Variants in EMSY observed in about 807,000 individuals in gnomAD.
EMSY encodes EMSY transcriptional repressor, BRCA2 interacting.
EMSY carries 26 observed loss-of-function variants against 134.6 expected under a neutral mutation model. That is an observed-to-expected ratio of 0.19 (90% CI 0.14 to 0.27). The LOEUF (loss-of-function observed/expected upper bound fraction) is 0.27. Among genes scored for constraint, EMSY ranks in the 10% least tolerant of loss-of-function variants. The probability of loss-of-function intolerance (pLI) is 1.00; values close to 1 mark genes in which losing one functional copy is unlikely to be tolerated. For synonymous variants in EMSY, 579 were observed against 577.8 expected (o/e 1.00, Z -0.03); for missense variants, 1,305 against 1,611.4 (o/e 0.81, Z 3.26).
intron 2 of EMSY, among the ~76,000 whole-genome samples, chr11:76,447,807 C>G (rs569260402): frequency 6.0e-4 from 91 of 152,264 alleles, no homozygotes; most frequent in African/African-American, 2.0e-3. Flanking sequence ...TTGAGAAATG[C>G]TGCCTTAGAC....
chr11:76,541,448 A>C (rs1362578611), intron 17 of EMSY, among the ~76,000 whole-genome samples: 1 of 152,140 alleles, frequency 6.6e-6, no homozygotes, highest in Non-Finnish European at 1.5e-5. Context: ...TTTAAGGACA[A>C]TTTTTCAGTC....
At chr11:76,484,022 A>G (rs889486475) in intron 8 of EMSY, among the ~76,000 whole-genome samples, 1 of 152,238 alleles carries the variant, frequency 6.6e-6, no homozygotes, top group African/African-American at 2.4e-5. Flanking sequence ...CAGCAAATGC[A>G]AAAGAACAGA....
At chr11:76,491,972 T>C (rs943912876) in intron 8 of EMSY, among the ~76,000 whole-genome samples, 1 of 152,270 alleles carries the variant, frequency 6.6e-6, no homozygotes, top group African/African-American at 2.4e-5. Context: ...TTTATTAGTT[T>C]GTAATGATAG....
At chr11:76,496,390 A>G in exon 9 of EMSY, 1 of 1,614,118 alleles carries the variant, frequency 6.2e-7, no homozygotes, top group Non-Finnish European at 8.5e-7. Context: ...AGCCTTCTCC[A>G]GTATCTCATC....
intron 12 of EMSY, 129 bp downstream of exon 13, chr11:76,523,420 AT>A: frequency 9.7e-7 from 1 of 1,030,090 alleles, no homozygotes; most frequent in Non-Finnish European, 1.4e-6. Flanking sequence ...CTGCTGGGAT[AT>A]AACAACTGTT....
chr11:76,491,370 C>T (rs1054743748), intron 8 of EMSY, among the ~76,000 whole-genome samples: 10 of 151,840 alleles, frequency 6.6e-5, no homozygotes, highest in African/African-American at 2.4e-4. Flanking sequence ...TTTGTAGAGA[C>T]AGGGTCTTGC....
At position 76,447,016 on chromosome 11, in the gene EMSY, G is replaced by C. The variant is rs766361879; in HGVS notation, c.70+8G>C. 1.2e-6 allele frequency: 2 copies of C among 1,612,806 alleles called. No homozygotes were observed. The highest frequency in any genetic ancestry group is 1.1e-5 in the South Asian group (1 of 90,966). On this transcript the variant is annotated splice_region_variant and intron_variant, in intron 2 of 20. Transcript: ENST00000334736. ...GAATTCTTCGAAAATTGGGTATGAC[G>C]TTCATTGTTTGTTTTTTACCTCTCT...
exon 8 of EMSY, chr11:76,472,666 A>T: frequency 6.2e-7 from 1 of 1,614,186 alleles, no homozygotes; most frequent in Non-Finnish European, 8.5e-7. Context: ...AACGTCAGTC[A>T]TTGCTTCTAC....
At chr11:76,547,018 T>A (rs1486519194) in intron 20 of EMSY, 3 of 447,194 alleles carry the variant, frequency 6.7e-6, no homozygotes, top group Non-Finnish European at 1.3e-5. Flanking sequence ...TCTCTTGTCA[T>A]GCATAATAGG....
chr11:76,458,462 T>A, intron 5 of EMSY, 104 bp downstream of exon 6: 1 of 1,189,314 alleles, frequency 8.4e-7, no homozygotes, highest in East Asian at 2.7e-5. Flanking sequence ...ATTCTAGTGT[T>A]TAAAGGTTAT....
At chr11:76,511,346 A>G (rs998962645) in intron 9 of EMSY, among the ~76,000 whole-genome samples, 3 of 151,794 alleles carry the variant, frequency 2.0e-5, no homozygotes, top group African/African-American at 7.2e-5. Flanking sequence ...TTTTAAGATT[A>G]TCTTAATTTT....
exon 13 of EMSY, chr11:76,526,617 G>T: frequency 6.2e-7 from 1 of 1,612,868 alleles, no homozygotes; most frequent in Non-Finnish European, 8.5e-7. Context: ...TTGTTTATGG[G>T]CAGCAAGGGA....
chr11:76,477,757 C>T (rs1332207410), intron 8 of EMSY, among the ~76,000 whole-genome samples: 1 of 152,098 alleles, frequency 6.6e-6, no homozygotes, highest in African/African-American at 2.4e-5. Flanking sequence ...AGACTAGAAG[C>T]TGTAATTAGC....
intron 7 of EMSY, among the ~76,000 whole-genome samples, chr11:76,470,480 C>G (rs1948527570): frequency 6.6e-6 from 1 of 152,118 alleles, no homozygotes; most frequent in South Asian, 2.1e-4. Flanking sequence ...TGATTCCGTT[C>G]TTTTCCTTAA....
chr11:76,492,762 G>A (rs1949473178), intron 8 of EMSY, among the ~76,000 whole-genome samples: 1 of 152,178 alleles, frequency 6.6e-6, no homozygotes, highest in African/African-American at 2.4e-5. Flanking sequence ...GGGTGCAGTG[G>A]ACTCCAGGTG....
chr11:76,485,146 T>C (rs2135562573), intron 8 of EMSY, among the ~76,000 whole-genome samples: 1 of 152,296 alleles, frequency 6.6e-6, no homozygotes, highest in South Asian at 2.1e-4. Context: ...CCATTCCTTA[T>C]GAAACTATTC....
At chr11:76,533,533 A>G (rs908374088) in intron 14 of EMSY, among the ~76,000 whole-genome samples, 4 of 152,184 alleles carry the variant, frequency 2.6e-5, no homozygotes, top group African/African-American at 7.2e-5. Flanking sequence ...AGATTATAGT[A>G]TAAGATTGAT....
chr11:76,537,384 A>G (rs910387425), intron 15 of EMSY, among the ~76,000 whole-genome samples: 1 of 152,194 alleles, frequency 6.6e-6, no homozygotes, highest in African/African-American at 2.4e-5. Context: ...GTGTTGTGCT[A>G]TTCTGGGTAG....
intron 6 of EMSY, among the ~76,000 whole-genome samples, chr11:76,462,010 G>A (rs938036148): frequency 1.3e-5 from 2 of 152,044 alleles, no homozygotes; most frequent in Non-Finnish European, 2.9e-5. Context: ...GCCGAGGCGA[G>A]CAGATCACCT....
Sources: gnomAD v4.1 joint callset for allele counts (sites outside exome capture counted in the v4.1 genomes callset) on GRCh38, gnomAD v4.1.1 for gene constraint, MANE v1.5 for transcripts, NCBI Gene and HGNC (gene_info 2026-07-23, HGNC 2026-07-21) for gene names.